The following NELL1 variants were observed in gnomAD, a reference collection of about 807,000 sequenced individuals.
NELL1 encodes neural EGFL like 1.
In NELL1, 76 loss-of-function variants were observed where a neutral mutation model predicts 107.4. That is an observed-to-expected ratio of 0.71 (90% CI 0.59 to 0.86). The LOEUF (loss-of-function observed/expected upper bound fraction) is 0.86. Ranked by LOEUF, NELL1 falls within the 40% of genes least tolerant of loss-of-function variation. The pLI is 0.00. For synonymous variants in NELL1, 353 were observed against 341.2 expected (o/e 1.03, Z -0.38); for missense variants, 1,024 against 1,005.5 (o/e 1.02, Z -0.25).
intron 13 of NELL1, among the ~76,000 whole-genome samples, chr11:21,211,246 A>G (rs1457520512): frequency 6.6e-6 from 1 of 152,186 alleles, no homozygotes; most frequent in African/African-American, 2.4e-5. Context: ...GTGAAGACAT[A>G]CTTGAGATCT....
Position 20,894,704 on chromosome 11 carries a change from T to A in NELL1, c.603+9164T>A, listed in dbSNP as rs558572273. 4.6e-5 allele frequency among the ~76,000 whole-genome samples: 7 copies of A among 152,244 alleles called. No homozygotes were observed. In the East Asian group the frequency reaches 9.7e-4, roughly 21 times the overall value. ...TTGATTTAAGTACTAAGGAAAGCTG[T>A]TTGTTAGTATGGTTAATAAAATGGA... On this transcript the variant is annotated intron_variant, in intron 5 of 19. Transcript: ENST00000357134.
At chr11:21,283,330 T>C (rs1849039799) in intron 14 of NELL1, among the ~76,000 whole-genome samples, 1 of 152,128 alleles carries the variant, frequency 6.6e-6, no homozygotes, top group African/African-American at 2.4e-5. Context: ...AAAATAAATA[T>C]TTTTTAAAAA....
chr11:20,995,627 GA>G (rs1248736907), intron 12 of NELL1, among the ~76,000 whole-genome samples: 1 of 151,930 alleles, frequency 6.6e-6, no homozygotes, highest in East Asian at 1.9e-4. Context: ...CATCCCAGAA[GA>G]GAAGAGTGGC....
chr11:20,972,907 G>A (rs1015409127), intron 12 of NELL1, among the ~76,000 whole-genome samples: 3 of 152,122 alleles, frequency 2.0e-5, no homozygotes, highest in Non-Finnish European at 4.4e-5. Flanking sequence ...TGGGCAGGAG[G>A]TGAAACCCAT....
chr11:21,440,876 A>G (rs1012132066), intron 15 of NELL1, among the ~76,000 whole-genome samples: 1 of 152,152 alleles, frequency 6.6e-6, no homozygotes, highest in African/African-American at 2.4e-5. Flanking sequence ...CTGCCTGAGA[A>G]AAGTCTGCAA....
intron 3 of NELL1, among the ~76,000 whole-genome samples, chr11:20,829,672 C>G (rs1857964299): frequency 6.6e-6 from 1 of 152,108 alleles, no homozygotes; most frequent in Non-Finnish European, 1.5e-5. Flanking sequence ...AAAAATGTTA[C>G]AATTTGTCAG....
intron 13 of NELL1, among the ~76,000 whole-genome samples, chr11:21,175,835 A>G (rs1354208543): frequency 1.3e-5 from 2 of 151,898 alleles, no homozygotes; most frequent in Admixed American, 1.3e-4. Context: ...GTCATAGTCA[A>G]TGAAAAAGTT....
At chr11:20,929,016 C>A (rs1029639282) in intron 9 of NELL1, among the ~76,000 whole-genome samples, 3 of 152,180 alleles carry the variant, frequency 2.0e-5, no homozygotes, top group African/African-American at 7.2e-5. Flanking sequence ...TTTAAATCTA[C>A]TAGCTTAGTG....
chr11:21,319,765 C>G (rs1471467661), intron 14 of NELL1, among the ~76,000 whole-genome samples: 1 of 151,716 alleles, frequency 6.6e-6, no homozygotes, highest in Admixed American at 6.6e-5. Context: ...CTGGCTAACA[C>G]GGTGAAACCC....
intron 12 of NELL1, among the ~76,000 whole-genome samples, chr11:21,059,957 T>A (rs1853700290): frequency 6.6e-6 from 1 of 152,146 alleles, no homozygotes. Context: ...AAGAAACTGG[T>A]CAAATTTATT....
intron 10 of NELL1, among the ~76,000 whole-genome samples, chr11:20,942,124 C>T (rs1485629236): frequency 6.6e-6 from 1 of 152,206 alleles, no homozygotes; most frequent in Non-Finnish European, 1.5e-5. Context: ...TGCAGAAGCA[C>T]TCAAGGAGAT....
intron 2 of NELL1, among the ~76,000 whole-genome samples, chr11:20,704,344 T>C (rs1170196310): frequency 6.6e-6 from 1 of 152,208 alleles, no homozygotes; most frequent in African/African-American, 2.4e-5. Flanking sequence ...TTTTTTTGTT[T>C]TCCATTTGCT....
chr11:21,458,362 T>C (rs1233212983), intron 15 of NELL1, among the ~76,000 whole-genome samples: 1 of 152,166 alleles, frequency 6.6e-6, no homozygotes, highest in Non-Finnish European at 1.5e-5. Context: ...AGTCTACATA[T>C]AGAATTCCAC....
rs185354155 is a variant in NELL1 at position 20,718,310 on chromosome 11, T to C, written c.184+40250T>C. Among the ~76,000 whole-genome samples the C allele has an allele frequency of 1.2e-3, 180 of 152,264 alleles. 1 individual carries two copies. The highest frequency in any genetic ancestry group is 1.9e-3 in the Non-Finnish European group (131 of 68,026). On this transcript the variant is annotated intron_variant, in intron 2 of 19. Transcript: ENST00000357134. Reference sequence around the variant, plus strand: ...GCTGGATTTTAAATTTAAATTTAAGTAGCCACATGTGGCCAGTGGCTGCTT... The same window carrying C: ...GCTGGATTTTAAATTTAAATTTAAGCAGCCACATGTGGCCAGTGGCTGCTT...
intron 12 of NELL1, among the ~76,000 whole-genome samples, chr11:20,970,053 G>GTCCGTCCATCCATCCA (rs1288028582): frequency 3.2e-5 from 4 of 126,052 alleles, no homozygotes; most frequent in African/African-American, 1.0e-4. Flanking sequence ...CTATCTCTCT[G>GTCCGTCCATCCATCCA]TCCATCCATC....
intron 4 of NELL1, among the ~76,000 whole-genome samples, chr11:20,850,513 A>C (rs1848776528): frequency 6.6e-6 from 1 of 152,172 alleles, no homozygotes; most frequent in South Asian, 2.1e-4. Context: ...CTGAGGTTAT[A>C]TATTTGTCTG....
intron 14 of NELL1, among the ~76,000 whole-genome samples, chr11:21,366,712 C>T (rs1851230444): frequency 6.6e-6 from 1 of 152,028 alleles, no homozygotes; most frequent in African/African-American, 2.4e-5. Flanking sequence ...CAGAAATTAG[C>T]TTCAGGAAAA....
chr11:21,188,778 T>C (rs1349819), intron 13 of NELL1, among the ~76,000 whole-genome samples: 106,196 of 151,528 alleles, frequency 0.7, 39,554 homozygotes, highest in Non-Finnish European at 0.83. Flanking sequence ...ATTTTGAATA[T>C]TTTTAGAATT....
chr11:21,282,773 A>C (rs896823128), intron 14 of NELL1, among the ~76,000 whole-genome samples: 4 of 152,344 alleles, frequency 2.6e-5, no homozygotes, highest in African/African-American at 9.6e-5. Context: ...GAAGCAATGT[A>C]AGTGTCCATA....
Sources: allele counts gnomAD v4.1 joint callset (sites outside exome capture counted in the v4.1 genomes callset), GRCh38; gene constraint gnomAD v4.1.1; transcripts MANE v1.5; gene names NCBI Gene and HGNC (gene_info 2026-07-23, HGNC 2026-07-21).